TYW1B: variants seen among roughly 807,000 people sequenced by gnomAD.
TYW1B encodes the protein S-adenosyl-L-methionine-dependent tRNA 4-demethylwyosine synthase TYW1B.
Under a neutral mutation model 86.9 loss-of-function variants are expected in TYW1B, and 73 were observed. The observed-to-expected ratio is 0.84, with a 90% CI of 0.70 to 1.02. The LOEUF (loss-of-function observed/expected upper bound fraction) is 1.02. Among genes scored for constraint, TYW1B ranks in the 50% least tolerant of loss-of-function variants. The pLI is 0.00. For synonymous variants in TYW1B, 248 were observed against 292.8 expected (o/e 0.85, Z 1.56); for missense variants, 637 against 827.4 (o/e 0.77, Z 2.82).
At chr7:72,766,477 G>C (rs1393895336) in intron 7 of TYW1B, among the ~76,000 whole-genome samples, 4 of 151,656 alleles carry the variant, frequency 2.6e-5, no homozygotes, top group Admixed American at 2.6e-4. Context: ...AGTTGGGAGT[G>C]GTGGCACTTG....
chr7:72,606,463 T>C (rs1370647180), intron 13 of TYW1B, among the ~76,000 whole-genome samples: 2 of 152,036 alleles, frequency 1.3e-5, no homozygotes, highest in Non-Finnish European at 2.9e-5. Flanking sequence ...CCCCTCCAGC[T>C]GTAATGTCAT....
intron 11 of TYW1B, among the ~76,000 whole-genome samples, chr7:72,642,611 T>A (rs1812827947): frequency 6.6e-6 from 1 of 152,168 alleles, no homozygotes; most frequent in Non-Finnish European, 1.5e-5. Flanking sequence ...GCAAAAAAGC[T>A]GAAGTTCTAG....
At chr7:72,713,902 T>C (rs1482465535) in intron 9 of TYW1B, 104 bp from the exon 10 acceptor site, 2 of 967,468 alleles carry the variant, frequency 2.1e-6, no homozygotes, top group African/African-American at 3.3e-5. Flanking sequence ...TCATTTTTGA[T>C]ACCAAAGAAT....
At chr7:72,589,714 T>C (rs1554431083) in intron 13 of TYW1B, among the ~76,000 whole-genome samples, 1 of 152,140 alleles carries the variant, frequency 6.6e-6, no homozygotes, top group African/African-American at 2.4e-5. Flanking sequence ...CCATCTCTAC[T>C]AAAAATGCAA....
chr7:72,662,322 A>G (rs1466589712), intron 11 of TYW1B, among the ~76,000 whole-genome samples: 1 of 152,202 alleles, frequency 6.6e-6, no homozygotes, highest in East Asian at 1.9e-4. Flanking sequence ...GTGTTCCTTC[A>G]GCCACTGGAC....
intron 12 of TYW1B, among the ~76,000 whole-genome samples, chr7:72,628,077 A>G (rs1420593718): frequency 1.3e-5 from 2 of 152,102 alleles, no homozygotes; most frequent in Non-Finnish European, 1.5e-5. Flanking sequence ...GGGTCGCTTG[A>G]GGCCAGGAGT....
intron 2 of TYW1B, among the ~76,000 whole-genome samples, chr7:72,815,994 A>C (rs1554479347): frequency 6.6e-6 from 1 of 152,116 alleles, no homozygotes. Flanking sequence ...ACACCAATGC[A>C]CTCTAGCCTG....
At chr7:72,719,651 A>AG (rs1786858118) in intron 9 of TYW1B, among the ~76,000 whole-genome samples, 1 of 150,748 alleles carries the variant, frequency 6.6e-6, no homozygotes, top group Non-Finnish European at 1.5e-5. Context: ...AAAAAAAAAA[A>AG]AAGAAGGTGA....
intron 11 of TYW1B, among the ~76,000 whole-genome samples, chr7:72,652,373 G>A (rs557973896): frequency 4.8e-4 from 33 of 68,570 alleles, no homozygotes; most frequent in Admixed American, 2.8e-3. Context: ...GCAAGACTCT[G>A]TCTGAAAAAA....
chr7:72,667,508 G>A (rs1482029380), intron 11 of TYW1B, among the ~76,000 whole-genome samples: 5 of 152,112 alleles, frequency 3.3e-5, no homozygotes, highest in African/African-American at 7.2e-5. Context: ...TCAGCTCAGA[G>A]TTCTAGAAGA....
chr7:72,817,261 G>A (rs191976507), intron 2 of TYW1B, among the ~76,000 whole-genome samples: 8 of 152,130 alleles, frequency 5.3e-5, no homozygotes, highest in South Asian at 2.1e-4. Flanking sequence ...AAAATTAGCC[G>A]GGAGTGGTGG....
At chr7:72,580,580 G>A (rs1458555777) in intron 13 of TYW1B, among the ~76,000 whole-genome samples, 3 of 152,136 alleles carry the variant, frequency 2.0e-5, no homozygotes, top group African/African-American at 4.8e-5. Context: ...AGGCAATGCA[G>A]GCTCCCACTC....
intron 3 of TYW1B, among the ~76,000 whole-genome samples, chr7:72,811,090 T>C (rs1329275348): frequency 6.6e-6 from 1 of 151,116 alleles, no homozygotes; most frequent in Non-Finnish European, 1.5e-5. Flanking sequence ...GCTAACACGG[T>C]GAAACCCGGT....
At chr7:72,769,172 G>GT (rs1787825342) in intron 7 of TYW1B, 1 of 430,828 alleles carries the variant, frequency 2.3e-6, no homozygotes, top group Non-Finnish European at 3.7e-6. Context: ...TTGGAACTGT[G>GT]TTACCATGCC....
At chr7:72,687,786 T>C (rs567766334) in intron 11 of TYW1B, among the ~76,000 whole-genome samples, 10 of 152,246 alleles carry the variant, frequency 6.6e-5, no homozygotes, top group Non-Finnish European at 4.4e-5. Context: ...CCAGGCACAG[T>C]GGCTCATGCC....
intron 11 of TYW1B, among the ~76,000 whole-genome samples, chr7:72,634,164 C>A (rs1433774551): frequency 6.6e-6 from 1 of 151,942 alleles, no homozygotes; most frequent in Non-Finnish European, 1.5e-5. Context: ...ATCTCTCTCT[C>A]CCTCTCCCCA....
chr7:72,748,699 T>C (rs1279100956), intron 7 of TYW1B, among the ~76,000 whole-genome samples: 1 of 151,724 alleles, frequency 6.6e-6, no homozygotes, highest in Non-Finnish European at 1.5e-5. Flanking sequence ...GACTGACTGA[T>C]TTTTTTCTTC....
At chr7:72,729,198 C>T (rs1298883923) in intron 8 of TYW1B, among the ~76,000 whole-genome samples, 2 of 152,218 alleles carry the variant, frequency 1.3e-5, no homozygotes, top group Admixed American at 6.5e-5. Context: ...AGAACACTCT[C>T]TGCTGCTTTA....
intron 6 of TYW1B, among the ~76,000 whole-genome samples, chr7:72,785,794 G>C (rs1788118685): frequency 6.6e-6 from 1 of 152,154 alleles, no homozygotes; most frequent in African/African-American, 2.4e-5. Context: ...AGCACTCAGG[G>C]AATGTGTGAG....
Sources: allele counts gnomAD v4.1 joint callset (sites outside exome capture counted in the v4.1 genomes callset), GRCh38; gene constraint gnomAD v4.1.1; transcripts MANE v1.5; gene names NCBI Gene and HGNC (gene_info 2026-07-23, HGNC 2026-07-21).